The following RGS7BP variants were observed in gnomAD, a reference collection of about 807,000 sequenced individuals.
The protein encoded by RGS7BP is regulator of G protein signaling 7 binding protein.
In RGS7BP, 9 loss-of-function variants were observed where a neutral mutation model predicts 31.3. That is an observed-to-expected ratio of 0.29 (90% CI 0.17 to 0.50). The LOEUF is 0.50. Among genes scored for constraint, RGS7BP ranks in the 20% least tolerant of loss-of-function variants. The pLI, the probability that RGS7BP is intolerant of heterozygous loss-of-function variation, is 0.98. For synonymous variants in RGS7BP, 115 were observed against 120.1 expected, an observed-to-expected ratio of 0.96 and a Z score of 0.28; for missense variants, 274 against 322.0, an observed-to-expected ratio of 0.85 and a Z score of 1.14.
intron 2 of RGS7BP, among the ~76,000 whole-genome samples, chr5:64,558,273 C>T (rs752673308): frequency 1.3e-5 from 2 of 152,048 alleles, no homozygotes; most frequent in African/African-American, 2.4e-5. Flanking sequence ...TCAGGGACCC[C>T]GAACAGAGGG....
At chr5:64,556,515 T>A (rs1741932317) in intron 2 of RGS7BP, among the ~76,000 whole-genome samples, 1 of 151,604 alleles carries the variant, frequency 6.6e-6, no homozygotes, top group Admixed American at 6.6e-5. Flanking sequence ...AGATGGTTAG[T>A]TTGGAAAATT....
chr5:64,516,464 G>C (rs1748979072), intron 2 of RGS7BP, among the ~76,000 whole-genome samples: 1 of 152,058 alleles, frequency 6.6e-6, no homozygotes, highest in South Asian at 2.1e-4. Flanking sequence ...CGGTCTCCTT[G>C]AGTTCAGTCT....
intron 2 of RGS7BP, among the ~76,000 whole-genome samples, chr5:64,530,684 T>C (rs1214633462): frequency 1.3e-5 from 2 of 152,198 alleles, no homozygotes; most frequent in African/African-American, 4.8e-5. Flanking sequence ...TTTCCCTTCA[T>C]TTTACTTATA....
At chr5:64,519,331 A>G (rs758057966) in intron 2 of RGS7BP, among the ~76,000 whole-genome samples, 1 of 152,252 alleles carries the variant, frequency 6.6e-6, no homozygotes, top group Admixed American at 6.5e-5. Flanking sequence ...CTCCAGAAGC[A>G]TAAAGATGAA....
At chr5:64,568,707 G>A (rs1580439518) in intron 2 of RGS7BP, among the ~76,000 whole-genome samples, 2 of 150,642 alleles carry the variant, frequency 1.3e-5, no homozygotes, top group East Asian at 3.9e-4. Context: ...AATAAAAGAT[G>A]ACTTACAATT....
chr5:64,532,241 CATT>C (rs1749388793), intron 2 of RGS7BP, among the ~76,000 whole-genome samples: 1 of 151,840 alleles, frequency 6.6e-6, no homozygotes, highest in Admixed American at 6.6e-5. Context: ...TTGATGTTAT[CATT>C]GCTTAAATCT....
intron 2 of RGS7BP, among the ~76,000 whole-genome samples, chr5:64,547,868 T>C (rs1288235374): frequency 6.6e-6 from 1 of 152,160 alleles, no homozygotes; most frequent in African/African-American, 2.4e-5. Context: ...TATCATTCAC[T>C]ATAATCAGAA....
Position 64,567,473 on chromosome 5 carries a change from C to T in RGS7BP, c.333-8301C>T, listed in dbSNP as rs373656511. Among the ~76,000 whole-genome samples, 26 of 152,250 alleles carry T rather than the reference C, an allele frequency of 1.7e-4. No individual in the cohort carries two copies. In the South Asian group the frequency reaches 5.0e-3, roughly 29 times the overall value. On this transcript the variant is annotated intron_variant, in intron 2 of 5. Transcript: ENST00000334025. ...TCCTCAGTCATCAAGCAAATACCCA[C>T]TCCCTAGATTCTACAATTAACATTT...
intron 2 of RGS7BP, among the ~76,000 whole-genome samples, chr5:64,532,953 A>G (rs920795045): frequency 2.6e-5 from 4 of 152,106 alleles, no homozygotes; most frequent in African/African-American, 9.7e-5. Context: ...AGCCTCATCA[A>G]TATACACATA....
intron 2 of RGS7BP, among the ~76,000 whole-genome samples, chr5:64,537,942 A>C (rs2111800098): frequency 6.6e-6 from 1 of 152,356 alleles, no homozygotes; most frequent in Middle Eastern, 3.4e-3. Context: ...AAGACAGGAA[A>C]GAAAGAGGAA....
chr5:64,572,379 CT>C (rs1482814235), intron 2 of RGS7BP, among the ~76,000 whole-genome samples: 1 of 152,090 alleles, frequency 6.6e-6, no homozygotes, highest in African/African-American at 2.4e-5. Flanking sequence ...CATTTGACAA[CT>C]TGCATTTCAA....
intron 2 of RGS7BP, 115 bp from the exon 3 acceptor site, chr5:64,575,659 G>T (rs1361863151): frequency 7.0e-7 from 1 of 1,427,172 alleles, no homozygotes. Context: ...TATATTTTAG[G>T]ATCAAGGCTT....
chr5:64,539,312 T>C (rs1741462594), intron 2 of RGS7BP, among the ~76,000 whole-genome samples: 1 of 152,178 alleles, frequency 6.6e-6, no homozygotes, highest in African/African-American at 2.4e-5. Flanking sequence ...TTTTCCCAGT[T>C]TGAGATTTGT....
At chr5:64,593,982 A>G (rs114467681) in intron 3 of RGS7BP, among the ~76,000 whole-genome samples, 2 of 152,302 alleles carry the variant, frequency 1.3e-5, no homozygotes, top group African/African-American at 2.4e-5. Context: ...TGGCTGAACC[A>G]GTTTGGAGAT....
At chr5:64,516,538 T>C (rs924842875) in intron 2 of RGS7BP, among the ~76,000 whole-genome samples, 3 of 152,220 alleles carry the variant, frequency 2.0e-5, no homozygotes, top group Admixed American at 6.5e-5. Flanking sequence ...AACGCTCCTC[T>C]GATCTTGTCA....
At chr5:64,556,435 A>T (rs918524100) in intron 2 of RGS7BP, among the ~76,000 whole-genome samples, 1 of 146,906 alleles carries the variant, frequency 6.8e-6, no homozygotes, top group African/African-American at 2.7e-5. Context: ...ACACACACAC[A>T]CACACACACA....
chr5:64,595,222 T>C (rs1174464259), intron 4 of RGS7BP, among the ~76,000 whole-genome samples: 2 of 152,168 alleles, frequency 1.3e-5, no homozygotes, highest in Non-Finnish European at 2.9e-5. Flanking sequence ...ACTGGGCTGG[T>C]ACCCAAAATT....
chr5:64,547,521 T>C (rs780976358), intron 2 of RGS7BP, among the ~76,000 whole-genome samples: 1 of 152,344 alleles, frequency 6.6e-6, no homozygotes, highest in East Asian at 1.9e-4. Flanking sequence ...TTTCCCATCA[T>C]TGGCTACCAC....
chr5:64,535,072 G>A (rs190054874), intron 2 of RGS7BP, among the ~76,000 whole-genome samples: 1 of 152,270 alleles, frequency 6.6e-6, no homozygotes, highest in Non-Finnish European at 1.5e-5. Context: ...TAAGGACAGA[G>A]GGACCAGTGA....
Sources: gnomAD v4.1 joint callset for allele counts (sites outside exome capture counted in the v4.1 genomes callset) on GRCh38, gnomAD v4.1.1 for gene constraint, MANE v1.5 for transcripts, NCBI Gene and HGNC (gene_info 2026-07-23, HGNC 2026-07-21) for gene names.